Variants in GAPVD1 observed in about 807,000 individuals in gnomAD.
The protein encoded by GAPVD1 is GTPase activating protein and VPS9 domains 1.
Under a neutral mutation model 155.5 loss-of-function variants are expected in GAPVD1, and 35 were observed. The observed-to-expected ratio is 0.23, with a 90% CI of 0.17 to 0.30. The LOEUF (loss-of-function observed/expected upper bound fraction) is 0.30, where lower values mean the gene tolerates loss of function less well. Among genes scored for constraint, GAPVD1 ranks in the 10% least tolerant of loss-of-function variants. The pLI is 1.00. For synonymous variants in GAPVD1, 636 were observed against 619.7 expected, an observed-to-expected ratio of 1.03 and a Z score of -0.39; for missense variants, 1,429 against 1,775.7, an observed-to-expected ratio of 0.80 and a Z score of 3.51.
intron 8 of GAPVD1, among the ~76,000 whole-genome samples, chr9:125,310,878 C>T (rs1181513029): frequency 5.2e-5 from 7 of 135,242 alleles, no homozygotes; most frequent in East Asian, 2.3e-4. Context: ...TCGCTTTTAT[C>T]GCGCAGGCTG....
intron 9 of GAPVD1, among the ~76,000 whole-genome samples, chr9:125,318,907 G>T (rs79971774): frequency 0.035 from 5,379 of 152,140 alleles, 265 homozygotes; most frequent in East Asian, 0.26. Context: ...CAGGCGCAGT[G>T]GCTCACACCT....
chr9:125,279,272 A>G (rs1049035410), intron 2 of GAPVD1, among the ~76,000 whole-genome samples: 4 of 151,694 alleles, frequency 2.6e-5, no homozygotes, highest in East Asian at 1.9e-4. Flanking sequence ...TGAATATTAC[A>G]TAAATACTAT....
chr9:125,306,804 G>A (rs1383179567), intron 6 of GAPVD1, among the ~76,000 whole-genome samples: 1 of 152,160 alleles, frequency 6.6e-6, no homozygotes, highest in Non-Finnish European at 1.5e-5. Flanking sequence ...CAAGATCTTA[G>A]ACTATATCAG....
At chr9:125,357,159 A>G (rs577527258) in intron 25 of GAPVD1, among the ~76,000 whole-genome samples, 31 of 152,292 alleles carry the variant, frequency 2.0e-4, no homozygotes, top group African/African-American at 7.0e-4. Context: ...TGATCCTTTG[A>G]TGAATGTTCT....
In GAPVD1 at chr9:125,355,768, T is replaced by A. The variant is rs745564744; in HGVS notation, c.3882T>A (p.Asp1294Glu). Residue 1294 changes from aspartate (D) to glutamate (E), a missense_variant, in exon 25 of 28, where the codon GAT becomes GAA. Physicochemically the swap from Asp to Glu is conservative, Grantham distance 45. This residue lies in a region of GAPVD1 where 699 missense variants were observed against 826.0 expected (regional missense o/e 0.85). Transcript: ENST00000297933. ...WQNASEEQLQ[D>E]AQLAIERSVM... ...ACGCGAGTGAAGAACAGCTTCAAGA[T>A]GCACAGCTGGCCATTGAGCGAAGCG... is the stretch of plus-strand genomic sequence containing the variant. The A allele has an allele frequency of 1.9e-6, 3 of 1,613,376 alleles. No homozygotes were observed. The highest frequency in any genetic ancestry group is 1.1e-5 in the South Asian group (1 of 91,078).
chr9:125,291,527 A>G (rs1480477801), intron 2 of GAPVD1, among the ~76,000 whole-genome samples: 1 of 152,114 alleles, frequency 6.6e-6, no homozygotes. Flanking sequence ...GGTAAGATCA[A>G]TGGCTTGAAA....
At chr9:125,329,951 G>T in intron 12 of GAPVD1, 127 bp from the exon 13 acceptor site, 2 of 650,458 alleles carry the variant, frequency 3.1e-6, no homozygotes, top group East Asian at 2.9e-5. Flanking sequence ...CAAAGTGCTG[G>T]GATTACAGGT....
At chr9:125,336,750 G>A (rs924963801) in intron 15 of GAPVD1, 38 of 385,088 alleles carry the variant, frequency 9.9e-5, no homozygotes, top group Admixed American at 1.7e-4. Context: ...CTCTTTGCAT[G>A]AACCATACTA....
At chr9:125,293,849 ATTTTATATATATATAT>A (rs1415654567) in intron 2 of GAPVD1, among the ~76,000 whole-genome samples, 20 of 48,532 alleles carry the variant, frequency 4.1e-4, no homozygotes, top group African/African-American at 2.2e-3. Context: ...ATAAAAATAT[ATTTTATATATATATAT>A]ATATATATAT....
intron 2 of GAPVD1, among the ~76,000 whole-genome samples, chr9:125,279,150 TG>T (rs1174992569): frequency 6.8e-6 from 1 of 146,920 alleles, no homozygotes; most frequent in African/African-American, 2.5e-5. Flanking sequence ...AGGCAGAGGC[TG>T]CAGTGAGCCG....
At position 125,359,445 on chromosome 9, in the gene GAPVD1, T is replaced by C; in HGVS notation, c.3997T>C (p.Leu1333=). ...GGTTCTTCATGAACATATCCAGAGA[T>C]TGTCTAAAGTAGTGACTGCAAATCA... ...DQVLHEHIQR[L]SKVVTANHRA... The change falls in exon 26 of 28, where the codon TTG becomes CTG. Residue 1333 remains leucine (L), a synonymous_variant. Transcript: ENST00000297933. 1.3e-6 allele frequency: 2 copies of C among 1,595,542 alleles called. No individual in the cohort carries two copies. The highest frequency in any genetic ancestry group is 1.7e-6 in the Non-Finnish European group (2 of 1,163,634).
intron 21 of GAPVD1, 145 bp from the exon 22 acceptor site, chr9:125,350,150 A>C (rs1283959282): frequency 1.7e-6 from 1 of 579,628 alleles, no homozygotes; most frequent in African/African-American, 2.0e-5. Context: ...CTGTTCTTTT[A>C]AGTGGAGTGT....
intron 15 of GAPVD1, among the ~76,000 whole-genome samples, chr9:125,335,954 A>G (rs1846866850): frequency 6.6e-6 from 1 of 151,878 alleles, no homozygotes; most frequent in Admixed American, 6.6e-5. Flanking sequence ...GGAGTTCAAG[A>G]CCAGCCTGGG....
At chr9:125,268,780 TG>T in intron 1 of GAPVD1, among the ~76,000 whole-genome samples, 155 bp from the exon 2 acceptor site, 1 of 152,172 alleles carries the variant, frequency 6.6e-6, no homozygotes, top group Non-Finnish European at 1.5e-5. Flanking sequence ...GTAGTTCATC[TG>T]CCTCGGCCTC....
chr9:125,328,101 G>A (rs189653256), intron 12 of GAPVD1, among the ~76,000 whole-genome samples: 31 of 150,680 alleles, frequency 2.1e-4, no homozygotes, highest in African/African-American at 6.6e-4. Flanking sequence ...AAGTAGTGAA[G>A]CCTTTTGAAC....
rs1187766400 is a variant in GAPVD1, at chr9:125,298,935, A to G, written c.14A>G (p.Asp5Gly). 6.2e-7 allele frequency: 1 copy of G among 1,601,026 alleles called. No homozygotes were observed. The highest frequency in any genetic ancestry group is 2.2e-5 in the East Asian group (1 of 44,820). Residue 5 changes from aspartate (D) to glycine (G), a missense_variant, in exon 4 of 28, where the codon GAT becomes GGT. Around this residue, in one of 4 missense-constraint regions of GAPVD1, gnomAD observed 628 missense variants for 733.4 expected, o/e 0.86. Transcript: ENST00000297933. ...CCCACATTGAAGATGGTGAAACTAG[A>G]TATTCATACTCTGGCTCATCACCTC... MVKLDIHTLAHHLKQ... is the reference protein window; with the variant it reads MVKLGIHTLAHHLKQ...
intron 2 of GAPVD1, among the ~76,000 whole-genome samples, chr9:125,293,884 A>ATAAATATATTT (rs1564312253): frequency 4.4e-5 from 1 of 22,678 alleles, no homozygotes; most frequent in East Asian, 7.3e-4. Context: ...ATATATATAT[A>ATAAATATATTT]TATATATATA....
intron 6 of GAPVD1, among the ~76,000 whole-genome samples, chr9:125,306,476 G>A (rs1841832698): frequency 6.6e-6 from 1 of 151,864 alleles, no homozygotes; most frequent in Admixed American, 6.6e-5. Flanking sequence ...GTTCTGTGTT[G>A]TGTTATGTTT....
At position 125,326,597 on chromosome 9, in the gene GAPVD1, C is replaced by A; in HGVS notation, c.2032+8C>A. The A allele has an allele frequency of 6.3e-7, 1 of 1,591,382 alleles. No individual in the cohort carries two copies. Among genetic ancestry groups the A allele is most frequent in the Non-Finnish European group, 8.6e-7 (1 of 1,160,142 alleles). On this transcript the variant is annotated splice_region_variant and intron_variant, in intron 12 of 27. Coordinates refer to ENST00000297933, the MANE Select transcript of GAPVD1 (RefSeq NM_001282680.3). The stretch of plus-strand genomic sequence containing the variant: ...GCTTGCAAGAAATTGCAGGTAACTG[C>A]CATTTAATGTCTCTGAAATATCACG...
Sources: gnomAD v4.1 joint callset for allele counts (sites outside exome capture counted in the v4.1 genomes callset) on GRCh38, gnomAD v4.1.1 for gene constraint, gnomAD v4.1.1 regional missense constraint, MANE v1.5 for transcripts, NCBI Gene and HGNC (gene_info 2026-07-23, HGNC 2026-07-21) for gene names.